SPAG16: variants seen among roughly 807,000 people sequenced by gnomAD.
SPAG16 encodes sperm-associated antigen 16 protein.
SPAG16 carries 86 observed loss-of-function variants against 80.4 expected under a neutral mutation model. The ratio of observed to expected loss-of-function variants is 1.07; its 90% CI spans 0.90 to 1.28. The LOEUF (loss-of-function observed/expected upper bound fraction) is 1.28. Among genes scored for constraint, SPAG16 ranks in the 50% most tolerant of loss-of-function variants. The pLI is 0.00. For missense variants in SPAG16, 870 were observed against 765.3 expected, an observed-to-expected ratio of 1.14 and a Z score of -1.61; for synonymous variants, 294 against 265.9, an observed-to-expected ratio of 1.11 and a Z score of -1.03.
chr2:213,967,752 A>G (rs1484157869), intron 12 of SPAG16, among the ~76,000 whole-genome samples: 1 of 152,218 alleles, frequency 6.6e-6, no homozygotes, highest in Non-Finnish European at 1.5e-5. Flanking sequence ...GGTTAAATAT[A>G]CAATGTAGGA....
intron 10 of SPAG16, among the ~76,000 whole-genome samples, chr2:213,815,836 A>G (rs1347606175): frequency 6.6e-6 from 1 of 152,154 alleles, no homozygotes; most frequent in Non-Finnish European, 1.5e-5. Flanking sequence ...GCACATTTGT[A>G]ACTTTTTTCA....
intron 13 of SPAG16, among the ~76,000 whole-genome samples, chr2:214,036,217 C>G (rs2048689254): frequency 6.6e-6 from 1 of 151,966 alleles, no homozygotes. Context: ...CATTCTTGGC[C>G]AATGGAAATT....
intron 10 of SPAG16, among the ~76,000 whole-genome samples, chr2:213,825,466 C>A (rs1419243526): frequency 6.6e-6 from 1 of 152,052 alleles, no homozygotes; most frequent in African/African-American, 2.4e-5. Flanking sequence ...ACTTTTTCAG[C>A]ATCAATTGAA....
intron 7 of SPAG16, among the ~76,000 whole-genome samples, chr2:213,358,271 T>G (rs1195975906): frequency 6.6e-6 from 1 of 152,170 alleles, no homozygotes; most frequent in Non-Finnish European, 1.5e-5. Flanking sequence ...CTTTATGGTG[T>G]TCTCTGTATT....
intron 15 of SPAG16, among the ~76,000 whole-genome samples, chr2:214,322,167 C>T (rs1330692100): frequency 5.3e-5 from 8 of 152,170 alleles, no homozygotes; most frequent in Non-Finnish European, 1.0e-4. Context: ...CCCCCTCTTC[C>T]ATTGAATCTC....
intron 10 of SPAG16, among the ~76,000 whole-genome samples, chr2:213,702,522 C>T (rs115106264): frequency 7.2e-5 from 11 of 152,224 alleles, no homozygotes; most frequent in African/African-American, 1.2e-4. Flanking sequence ...ACTGTAACGC[C>T]GCGAGGGTCC....
intron 14 of SPAG16, among the ~76,000 whole-genome samples, chr2:214,129,921 A>G (rs1203668832): frequency 6.6e-6 from 1 of 152,100 alleles, no homozygotes; most frequent in East Asian, 1.9e-4. Flanking sequence ...GTGACTCAAT[A>G]CTTACCGGTA....
chr2:214,199,484 A>G (rs2057948702), intron 15 of SPAG16, among the ~76,000 whole-genome samples: 1 of 152,076 alleles, frequency 6.6e-6, no homozygotes, highest in South Asian at 2.1e-4. Context: ...TACCAGTATC[A>G]TGCTATTTGA....
intron 15 of SPAG16, among the ~76,000 whole-genome samples, chr2:214,369,375 T>C (rs981395576): frequency 6.6e-6 from 1 of 152,084 alleles, no homozygotes; most frequent in African/African-American, 2.4e-5. Context: ...TCAGTTTTCT[T>C]GTCCGTAAAA....
chr2:213,672,198 C>G (rs4673752), intron 10 of SPAG16, among the ~76,000 whole-genome samples: 143,045 of 151,786 alleles, frequency 0.94, 68,009 homozygotes, highest in East Asian at 1. Context: ...ATTTCCTTTT[C>G]TGTCTTTCCT....
intron 10 of SPAG16, among the ~76,000 whole-genome samples, chr2:213,562,848 C>G (rs1420686886): frequency 6.6e-6 from 1 of 152,270 alleles, no homozygotes; most frequent in East Asian, 1.9e-4. Flanking sequence ...ATAGATGGTG[C>G]TATCTTTTCT....
intron 15 of SPAG16, among the ~76,000 whole-genome samples, chr2:214,350,942 G>C (rs1342714304): frequency 1.3e-5 from 2 of 152,128 alleles, no homozygotes; most frequent in East Asian, 3.9e-4. Flanking sequence ...TCAGCTAAAA[G>C]GCAACTTGGA....
In SPAG16 at chr2:213,851,449, A is replaced by G. The variant is rs11678758; in HGVS notation, c.1071-11036A>G. The stretch of plus-strand genomic sequence containing the variant: ...CTTTAACCCAGTAGGCGGAGGTTGC[A>G]GTGAGCCAAGATTGCGCCACTGCAC... On this transcript the variant is annotated intron_variant, in intron 10 of 15. Coordinates refer to ENST00000331683, the MANE Select transcript of SPAG16 (RefSeq NM_024532.5). Among the ~76,000 whole-genome samples, 1,450 of 152,324 alleles carry G rather than the reference A, an allele frequency of 9.5e-3. 11 individuals are homozygous for G. Among genetic ancestry groups the G allele is most frequent in the Non-Finnish European group, 0.015 (1,047 of 68,018 alleles).
At chr2:213,955,749 T>C (rs1332546819) in intron 12 of SPAG16, among the ~76,000 whole-genome samples, 2 of 152,116 alleles carry the variant, frequency 1.3e-5, no homozygotes, top group Non-Finnish European at 2.9e-5. Context: ...AATTTGTTCA[T>C]TTCATCCACA....
intron 11 of SPAG16, among the ~76,000 whole-genome samples, chr2:213,870,573 TC>T (rs2075907756): frequency 6.6e-6 from 1 of 152,182 alleles, no homozygotes; most frequent in Non-Finnish European, 1.5e-5. Flanking sequence ...TTACTTAAAC[TC>T]CCAGCACCTC....
chr2:213,618,739 T>TA (rs937112027), intron 10 of SPAG16, among the ~76,000 whole-genome samples: 31 of 151,986 alleles, frequency 2.0e-4, no homozygotes, highest in African/African-American at 4.1e-4. Context: ...GCACAGAATT[T>TA]AAAAAAAATT....
At chr2:213,395,417 A>G (rs1219875326) in intron 9 of SPAG16, among the ~76,000 whole-genome samples, 1 of 152,066 alleles carries the variant, frequency 6.6e-6, no homozygotes. Flanking sequence ...GTTATATTGT[A>G]TTTTTGTTTT....
chr2:214,075,296 C>G (rs1361667557), intron 13 of SPAG16, among the ~76,000 whole-genome samples: 7 of 151,706 alleles, frequency 4.6e-5, no homozygotes, highest in Admixed American at 2.6e-4. Flanking sequence ...CTCACATACC[C>G]AAAAGTCAAA....
chr2:213,463,877 C>T (rs2072525283), intron 9 of SPAG16, among the ~76,000 whole-genome samples: 1 of 152,202 alleles, frequency 6.6e-6, no homozygotes, highest in Non-Finnish European at 1.5e-5. Flanking sequence ...TCTTCACTCC[C>T]ATAGCTCAGT....
Sources: gnomAD v4.1 joint callset for allele counts (sites outside exome capture counted in the v4.1 genomes callset) on GRCh38, gnomAD v4.1.1 for gene constraint, MANE v1.5 for transcripts, NCBI Gene and HGNC (gene_info 2026-07-23, HGNC 2026-07-21) for gene names.